SCFD2: variants seen among roughly 807,000 people sequenced by gnomAD.
The protein encoded by SCFD2 is sec1 family domain-containing protein 2.
In SCFD2, 54 loss-of-function variants were observed where a neutral mutation model predicts 58.9. That is an observed-to-expected ratio of 0.92 (90% CI 0.74 to 1.15). SCFD2 has a LOEUF of 1.15. Ranked by LOEUF, SCFD2 falls within the 50% of genes most tolerant of loss-of-function variation. SCFD2 has a pLI of 0.00. For missense variants in SCFD2, 805 were observed against 836.6 expected, an observed-to-expected ratio of 0.96 and a Z score of 0.47; for synonymous variants, 321 against 335.9, an observed-to-expected ratio of 0.96 and a Z score of 0.49.
chr4:53,149,942 A>T (rs1487095669), intron 4 of SCFD2, among the ~76,000 whole-genome samples: 1 of 152,232 alleles, frequency 6.6e-6, no homozygotes, highest in African/African-American at 2.4e-5. Flanking sequence ...CTAACTACTA[A>T]ATGTAATTGT....
intron 4 of SCFD2, among the ~76,000 whole-genome samples, chr4:53,239,431 A>T (rs1477786102): frequency 8.3e-6 from 1 of 120,014 alleles, no homozygotes; most frequent in Non-Finnish European, 1.8e-5. Context: ...GAGGGAGAGG[A>T]GGGAGAGGGA....
intron 3 of SCFD2, among the ~76,000 whole-genome samples, chr4:53,278,845 A>G (rs1731421390): frequency 6.6e-6 from 1 of 151,826 alleles, no homozygotes. Flanking sequence ...TAAGAGGCTA[A>G]CTGGAATTTA....
At chr4:53,128,945 CA>C (rs1725709899) in intron 5 of SCFD2, among the ~76,000 whole-genome samples, 1 of 152,116 alleles carries the variant, frequency 6.6e-6, no homozygotes. Flanking sequence ...AAAGAACCCC[CA>C]AATTGTACAT....
intron 5 of SCFD2, among the ~76,000 whole-genome samples, chr4:52,992,490 C>T (rs561214565): frequency 1.6e-4 from 24 of 151,988 alleles, no homozygotes; most frequent in Non-Finnish European, 2.8e-4. Flanking sequence ...GGCCGCCCAT[C>T]GTCTGGGATG....
chr4:52,935,165 C>T (rs1000322008), intron 5 of SCFD2, among the ~76,000 whole-genome samples: 3 of 152,150 alleles, frequency 2.0e-5, no homozygotes, highest in African/African-American at 7.2e-5. Context: ...ATTGGAACTT[C>T]CCAAAACAGT....
At chr4:53,129,535 G>A (rs1384805914) in intron 5 of SCFD2, among the ~76,000 whole-genome samples, 2 of 152,150 alleles carry the variant, frequency 1.3e-5, no homozygotes, top group East Asian at 1.9e-4. Flanking sequence ...AATAATGTAA[G>A]TCAAAGCCTA....
chr4:53,238,118 T>A (rs1412586900), intron 4 of SCFD2, among the ~76,000 whole-genome samples: 6 of 102,082 alleles, frequency 5.9e-5, no homozygotes, highest in African/African-American at 1.2e-4. Context: ...CACTTCCCAG[T>A]AGGGGTGGCC....
intron 3 of SCFD2, among the ~76,000 whole-genome samples, chr4:53,302,293 C>T (rs1333736557): frequency 5.9e-5 from 9 of 152,184 alleles, no homozygotes; most frequent in Non-Finnish European, 1.2e-4. Flanking sequence ...CACAAGCATT[C>T]TTATACACCA....
At chr4:52,921,717 C>G (rs1719740377) in intron 5 of SCFD2, among the ~76,000 whole-genome samples, 1 of 152,070 alleles carries the variant, frequency 6.6e-6, no homozygotes, top group Admixed American at 6.6e-5. Flanking sequence ...CTGGGTGTCC[C>G]CTGCGAGAGT....
chr4:52,918,259 A>T (rs981937225), intron 6 of SCFD2, among the ~76,000 whole-genome samples: 15 of 152,230 alleles, frequency 9.9e-5, no homozygotes, highest in Admixed American at 6.5e-5. Flanking sequence ...CTCTGAGTCT[A>T]GTCTGGACAC....
intron 3 of SCFD2, among the ~76,000 whole-genome samples, chr4:53,311,933 C>T (rs199976539): frequency 2.6e-5 from 4 of 151,890 alleles, no homozygotes; most frequent in East Asian, 3.9e-4. Flanking sequence ...TGCGTCCGGC[C>T]GATTCACAAT....
At chr4:53,247,439 T>A (rs1448040397) in intron 4 of SCFD2, among the ~76,000 whole-genome samples, 1 of 152,202 alleles carries the variant, frequency 6.6e-6, no homozygotes. Flanking sequence ...CACATGCACA[T>A]GTATGTTCAT....
chr4:53,174,842 T>C (rs1239652027), intron 4 of SCFD2, among the ~76,000 whole-genome samples: 1 of 152,188 alleles, frequency 6.6e-6, no homozygotes, highest in Non-Finnish European at 1.5e-5. Context: ...TCAAAAGAAA[T>C]GACATTTATT....
Position 52,886,750 on chromosome 4 carries a change from T to G in SCFD2, c.1843-884A>C, listed in dbSNP as rs77114182. On this transcript the variant is annotated intron_variant, in intron 7 of 8. Transcript: ENST00000401642. ...TTAGCTACCAGATGTCCCAGTGGTC[T>G]GTGAACTCATTGACCAGGAAAATGT... Among the ~76,000 whole-genome samples the G allele has an allele frequency of 4.5e-4, 69 of 152,372 alleles. No individual in the cohort carries two copies. The East Asian group carries it at 0.012, about 26-fold the overall frequency.
rs149565110 is a variant in SCFD2, at chr4:52,901,878, C to T, written c.1842+5579G>A. Among the ~76,000 whole-genome samples the T allele has an allele frequency of 5.8e-3, 882 of 152,320 alleles. 9 individuals carry two copies. The highest frequency in any genetic ancestry group is 0.02 in the African/African-American group (826 of 41,564). On this transcript the variant is annotated intron_variant, in intron 7 of 8. Transcript: ENST00000401642. ...AATCCAGCTACCCTGACTTTCCTAT[C>T]GCAGAGGATTTGTTTGATGCAGATA...
Position 53,044,910 on chromosome 4 carries a change from C to A in SCFD2, c.1561+100423G>T, listed in dbSNP as rs1478130235. On this transcript the variant is annotated intron_variant, in intron 5 of 8. Coordinates refer to ENST00000401642, the MANE Select transcript of SCFD2 (RefSeq NM_152540.4). ...CAATTCCCACCTCCACCCCCAACCC[C>A]CCCCCCCCGCCCACAAAAAACTTGC... Among the ~76,000 whole-genome samples, 18 of 9,918 alleles carry A rather than the reference C, an allele frequency of 1.8e-3. 3 individuals carry two copies. The highest frequency in any genetic ancestry group is 2.9e-3 in the Admixed American group (2 of 686). 6.5% of individuals were successfully genotyped at this position (9,918 alleles called of 152,430 possible).
At chr4:52,959,897 AACACACACACAC>A (rs10529140) in intron 5 of SCFD2, among the ~76,000 whole-genome samples, 7 of 138,114 alleles carry the variant, frequency 5.1e-5, no homozygotes, top group Non-Finnish European at 9.5e-5. Context: ...TCCAAATTGA[AACACACACACAC>A]ACACACACAC....
At chr4:53,360,999 A>T (rs577450021) in intron 1 of SCFD2, among the ~76,000 whole-genome samples, 1 of 152,248 alleles carries the variant, frequency 6.6e-6, no homozygotes, top group African/African-American at 2.4e-5. Flanking sequence ...CCCTTTCAAC[A>T]TTAAATATTG....
At chr4:53,170,714 A>C (rs1727155019) in intron 4 of SCFD2, among the ~76,000 whole-genome samples, 1 of 152,116 alleles carries the variant, frequency 6.6e-6, no homozygotes, top group Admixed American at 6.5e-5. Context: ...TATTTTCATC[A>C]ATGTCTTATT....
Sources: gnomAD v4.1 joint callset for allele counts (sites outside exome capture counted in the v4.1 genomes callset) on GRCh38, gnomAD v4.1.1 for gene constraint, MANE v1.5 for transcripts, NCBI Gene and HGNC (gene_info 2026-07-23, HGNC 2026-07-21) for gene names.